The following TRHDE variants were observed in gnomAD, a reference collection of about 807,000 sequenced individuals.
TRHDE encodes the protein thyrotropin-releasing hormone-degrading ectoenzyme.
Under a neutral mutation model 125.7 loss-of-function variants are expected in TRHDE, and 72 were observed. The ratio of observed to expected loss-of-function variants is 0.57; its 90% CI spans 0.47 to 0.70. The LOEUF is 0.70. Ranked by LOEUF, TRHDE falls within the 30% of genes least tolerant of loss-of-function variation. TRHDE has a pLI of 0.00. For synonymous variants in TRHDE, 509 were observed against 509.1 expected (o/e 1.00, Z 0.00); for missense variants, 1,110 against 1,327.1 (o/e 0.84, Z 2.54).
chr12:72,191,776 G>T (rs909711575), intron 2 of TRHDE, among the ~76,000 whole-genome samples: 1 of 152,124 alleles, frequency 6.6e-6, no homozygotes, highest in African/African-American at 2.4e-5. Context: ...GGTATTTTGT[G>T]ATTCATGGAA....
intron 1 of TRHDE, among the ~76,000 whole-genome samples, chr12:72,096,387 A>T (rs1874922926): frequency 6.6e-6 from 1 of 152,188 alleles, no homozygotes; most frequent in Non-Finnish European, 1.5e-5. Context: ...TTTAACAATT[A>T]TGTCAAGTTT....
At chr12:72,222,619 A>G (rs1292146494) in intron 2 of TRHDE, among the ~76,000 whole-genome samples, 1 of 151,714 alleles carries the variant, frequency 6.6e-6, no homozygotes, top group African/African-American at 2.4e-5. Context: ...CATTTTGAGA[A>G]CCTCCATTCT....
At chr12:72,475,704 A>G (rs974058957) in intron 5 of TRHDE, among the ~76,000 whole-genome samples, 1 of 152,218 alleles carries the variant, frequency 6.6e-6, no homozygotes, top group Non-Finnish European at 1.5e-5. Context: ...CATTAGGAGT[A>G]TAAAAACCTT....
intron 2 of TRHDE, among the ~76,000 whole-genome samples, chr12:72,131,061 T>G (rs1009647528): frequency 1.3e-5 from 2 of 149,842 alleles, no homozygotes; most frequent in Non-Finnish European, 3.0e-5. Context: ...TACTACTTAA[T>G]GTAATTTTTT....
chr12:72,608,994 G>A (rs1239714145), intron 12 of TRHDE, among the ~76,000 whole-genome samples: 1 of 152,120 alleles, frequency 6.6e-6, no homozygotes, highest in Non-Finnish European at 1.5e-5. Flanking sequence ...AACCTGAGAA[G>A]ATTGTTTAAA....
chr12:72,380,695 G>A (rs1872101358), intron 3 of TRHDE, among the ~76,000 whole-genome samples: 2 of 149,322 alleles, frequency 1.3e-5, no homozygotes, highest in Non-Finnish European at 3.0e-5. Flanking sequence ...CCAGCAGGCT[G>A]CAGCTTCCTT....
rs545973768 is a variant in TRHDE at position 72,519,565 on chromosome 12, T to C, written c.1722+19930T>C. ...TTCTTCTAAACTTTTTTCAAAGTTT[T>C]AAACTTCTTTGCCTTTGGTTTGAAT... is the stretch of plus-strand genomic sequence containing the variant. On this transcript the variant is annotated intron_variant, in intron 6 of 18. Transcript: ENST00000261180. 2.0e-5 allele frequency among the ~76,000 whole-genome samples: 3 copies of C among 152,330 alleles called. No homozygotes were observed. In the South Asian group the frequency reaches 6.2e-4, roughly 32 times the overall value.
chr12:72,244,863 C>T (rs1055684591), intron 2 of TRHDE, among the ~76,000 whole-genome samples: 3 of 152,042 alleles, frequency 2.0e-5, no homozygotes, highest in African/African-American at 7.2e-5. Flanking sequence ...AGATTTCACT[C>T]CCATTAAATG....
At chr12:72,538,407 G>C (rs373168901) in intron 6 of TRHDE, among the ~76,000 whole-genome samples, 1 of 151,680 alleles carries the variant, frequency 6.6e-6, no homozygotes, top group Non-Finnish European at 1.5e-5. Flanking sequence ...TCATTTCTTC[G>C]TTGATTTCAA....
At chr12:72,621,552 C>T in intron 14 of TRHDE, 92 bp from the exon 15 acceptor site, 2 of 976,596 alleles carry the variant, frequency 2.0e-6, no homozygotes, top group East Asian at 2.7e-5. Flanking sequence ...ATCTAAAAAC[C>T]ATTTTTATGT....
intron 15 of TRHDE, among the ~76,000 whole-genome samples, chr12:72,623,770 G>A (rs938334690): frequency 6.6e-6 from 1 of 151,972 alleles, no homozygotes; most frequent in African/African-American, 2.4e-5. Flanking sequence ...TATGTAAGGT[G>A]GGTAGATGGG....
At chr12:72,154,760 T>C (rs538059730) in intron 2 of TRHDE, among the ~76,000 whole-genome samples, 113 of 152,362 alleles carry the variant, frequency 7.4e-4, no homozygotes, top group African/African-American at 2.5e-3. Flanking sequence ...TTCTGAGAGA[T>C]CAGCTGTTAG....
chr12:72,333,498 G>A (rs1690616805), intron 2 of TRHDE, among the ~76,000 whole-genome samples: 1 of 152,154 alleles, frequency 6.6e-6, no homozygotes, highest in Non-Finnish European at 1.5e-5. Flanking sequence ...ACAGTAATGA[G>A]GTTAAAATCA....
intron 15 of TRHDE, among the ~76,000 whole-genome samples, chr12:72,639,878 G>C (rs902876167): frequency 2.6e-5 from 4 of 152,104 alleles, no homozygotes; most frequent in Non-Finnish European, 5.9e-5. Context: ...CTCCAGCTGC[G>C]TGCTGGGAGA....
At chr12:72,497,463 T>C (rs1307234898) in intron 5 of TRHDE, among the ~76,000 whole-genome samples, 2 of 152,150 alleles carry the variant, frequency 1.3e-5, no homozygotes, top group Non-Finnish European at 2.9e-5. Flanking sequence ...TCATTTTAAG[T>C]TCACTTTACC....
At chr12:72,260,773 C>A (rs1479495779) in intron 2 of TRHDE, among the ~76,000 whole-genome samples, 1 of 152,122 alleles carries the variant, frequency 6.6e-6, no homozygotes, top group African/African-American at 2.4e-5. Flanking sequence ...ATGGAGCCTT[C>A]GTTCATTCGA....
intron 3 of TRHDE, among the ~76,000 whole-genome samples, chr12:72,440,843 A>T (rs1465464776): frequency 6.6e-6 from 1 of 151,938 alleles, no homozygotes; most frequent in Non-Finnish European, 1.5e-5. Flanking sequence ...AATGATAGCA[A>T]CCAGGACTTC....
At chr12:72,396,867 A>G (rs1306141458) in intron 3 of TRHDE, among the ~76,000 whole-genome samples, 1 of 151,944 alleles carries the variant, frequency 6.6e-6, no homozygotes, top group Non-Finnish European at 1.5e-5. Context: ...TGTACTTCTT[A>G]TTTTCCCAAT....
At chr12:72,199,062 A>G (rs1877501793) in intron 2 of TRHDE, among the ~76,000 whole-genome samples, 1 of 152,156 alleles carries the variant, frequency 6.6e-6, no homozygotes. Flanking sequence ...ATCCATCCCT[A>G]TGATCTAATC....
Sources: allele counts gnomAD v4.1 joint callset (sites outside exome capture counted in the v4.1 genomes callset), GRCh38; gene constraint gnomAD v4.1.1; transcripts MANE v1.5; gene names NCBI Gene and HGNC (gene_info 2026-07-23, HGNC 2026-07-21).